Variants in TMEM44 observed in about 807,000 individuals in gnomAD.
TMEM44 encodes the protein transmembrane protein 44.
A neutral mutation model predicts 47.8 loss-of-function variants in TMEM44; 43 were observed. The observed-to-expected ratio is 0.90, with a 90% CI of 0.70 to 1.16. The LOEUF (loss-of-function observed/expected upper bound fraction) is 1.16, where lower values mean the gene tolerates loss of function less well. TMEM44 is among the 50% of genes most tolerant of loss of function. The pLI is 0.00. For missense variants in TMEM44, 568 were observed against 555.2 expected (o/e 1.02, Z -0.23); for synonymous variants, 277 against 238.8 (o/e 1.16, Z -1.48).
intron 9 of TMEM44, among the ~76,000 whole-genome samples, chr3:194,591,942 G>C (rs1712783836): frequency 6.6e-6 from 1 of 152,132 alleles, no homozygotes. Context: ...CATTGGGCCA[G>C]GCGTGGTGGC....
chr3:194,600,920 G>T (rs1714025011), intron 9 of TMEM44, among the ~76,000 whole-genome samples: 1 of 152,148 alleles, frequency 6.6e-6, no homozygotes, highest in Non-Finnish European at 1.5e-5. Flanking sequence ...GTTGAGTTTG[G>T]TATTAAGCTA....
intron 8 of TMEM44, among the ~76,000 whole-genome samples, chr3:194,605,132 G>GTATC (rs952134645): frequency 6.8e-6 from 1 of 146,572 alleles, no homozygotes; most frequent in Non-Finnish European, 1.5e-5. Flanking sequence ...ATCTATCTAT[G>GTATC]TATCTATCTA....
chr3:194,590,061 G>C (rs1712445520), intron 9 of TMEM44: 1 of 152,218 alleles, frequency 6.6e-6, no homozygotes, highest in Non-Finnish European at 1.5e-5. Context: ...GCATGGACAT[G>C]CTCTCCAAGA....
intron 7 of TMEM44, among the ~76,000 whole-genome samples, chr3:194,614,251 A>G (rs1715647132): frequency 6.6e-6 from 1 of 152,250 alleles, no homozygotes. Context: ...TTCTAGAGGC[A>G]GCATCACAAG....
At chr3:194,604,632 A>G (rs966696267) in intron 8 of TMEM44, among the ~76,000 whole-genome samples, 187 bp from the exon 9 acceptor site, 1 of 152,212 alleles carries the variant, frequency 6.6e-6, no homozygotes, top group African/African-American at 2.4e-5. Flanking sequence ...TGTCTTGTGT[A>G]TCCCTCCAGA....
rs1248564611 is a variant in TMEM44, at chr3:194,629,713, TCG to T, written c.138-1206_138-1205del. ...ACAGGGCCCCTGAAATAATACGCTG[TCG>T]TACCTGCCTCCCGGAGGGGCTGGCT... is the stretch of plus-strand genomic sequence containing the variant. On this transcript the variant is annotated intron_variant, in intron 1 of 9. Transcript: ENST00000347147. 4.5e-4 allele frequency among the ~76,000 whole-genome samples: 64 copies of T among 141,014 alleles called. 2 individuals carry two copies. The highest frequency in any genetic ancestry group is 1.6e-3 in the African/African-American group (60 of 36,364). The allele number at this position is 141,014 out of a possible 152,430, so 92.5% of individuals were successfully genotyped here.
chr3:194,616,676 C>T, intron 6 of TMEM44: 1 of 434,846 alleles, frequency 2.3e-6, no homozygotes. Context: ...CACCAACACG[C>T]CACAGCCATT....
At chr3:194,610,676 T>C (rs1006433855) in intron 8 of TMEM44, among the ~76,000 whole-genome samples, 3 of 152,164 alleles carry the variant, frequency 2.0e-5, no homozygotes, top group Non-Finnish European at 2.9e-5. Context: ...CTTTGTACAT[T>C]TAAAGCTGTT....
chr3:194,607,775 T>C (rs1714928363), intron 8 of TMEM44, among the ~76,000 whole-genome samples: 1 of 152,190 alleles, frequency 6.6e-6, no homozygotes, highest in African/African-American at 2.4e-5. Flanking sequence ...GGCAAGTCCC[T>C]AACCCTCAGT....
At chr3:194,627,079 G>A (rs1173340024) in intron 2 of TMEM44, among the ~76,000 whole-genome samples, 5 of 152,102 alleles carry the variant, frequency 3.3e-5, no homozygotes, top group Middle Eastern at 3.4e-3. Flanking sequence ...GCGCCACCAC[G>A]CCCAGCTAGT....
rs1292547397 is a variant in TMEM44 at position 194,633,196 on chromosome 3, G to C, written c.20C>G (p.Pro7Arg). The C allele has an allele frequency of 4.0e-6, 6 of 1,500,460 alleles. No homozygotes were observed. The highest frequency in any genetic ancestry group is 4.4e-6 in the Non-Finnish European group (5 of 1,124,618). The allele number at this position is 1,500,460 out of a possible 1,614,324, so 92.9% of individuals were successfully genotyped here. MGEAPS[P>R]APALWDWDYL... ...GTCCCAGTCCCAGAGCGCGGGCGCG[G>C]GGCTGGGCGCCTCCCCCATGGCGCG... Residue 7 changes from proline to arginine, a missense_variant, in exon 1 of 10, where the codon CCC becomes CGC. By Grantham distance (103) the Pro-to-Arg change is moderately radical. Coordinates refer to ENST00000347147, the MANE Select transcript of TMEM44 (RefSeq NM_001011655.3).
chr3:194,631,905 C>T (rs1208410704), intron 1 of TMEM44, among the ~76,000 whole-genome samples: 1 of 152,160 alleles, frequency 6.6e-6, no homozygotes, highest in Non-Finnish European at 1.5e-5. Context: ...CACTCTTAAC[C>T]CCTCCAAGGT....
At chr3:194,625,629 C>G (rs1361927950) in intron 3 of TMEM44, among the ~76,000 whole-genome samples, 1 of 152,200 alleles carries the variant, frequency 6.6e-6, no homozygotes, top group South Asian at 2.1e-4. Context: ...TACAGGCGCA[C>G]GCCACCACAC....
intron 3 of TMEM44, among the ~76,000 whole-genome samples, chr3:194,624,936 G>C (rs540641937): frequency 6.6e-6 from 1 of 151,086 alleles, no homozygotes; most frequent in African/African-American, 2.4e-5. Context: ...GGCTGGTCTC[G>C]AACTCCTGAC....
chr3:194,628,712 G>A (rs1185867372), intron 1 of TMEM44, among the ~76,000 whole-genome samples: 4 of 152,300 alleles, frequency 2.6e-5, no homozygotes, highest in South Asian at 2.1e-4. Context: ...CATGGCAGGA[G>A]CTAGACCTCG....
intron 8 of TMEM44, among the ~76,000 whole-genome samples, chr3:194,610,174 T>A (rs983826212): frequency 1.3e-5 from 2 of 150,744 alleles, no homozygotes; most frequent in Non-Finnish European, 3.0e-5. Context: ...TGAGCTGAGA[T>A]CATGCCACTG....
intron 5 of TMEM44, among the ~76,000 whole-genome samples, chr3:194,621,243 G>A (rs1208786415): frequency 1.3e-5 from 2 of 152,184 alleles, no homozygotes; most frequent in African/African-American, 2.4e-5. Context: ...GGGGCTACCC[G>A]AACCTGGGAG....
At chr3:194,613,403 CTT>C (rs1715535989) in intron 7 of TMEM44, among the ~76,000 whole-genome samples, 1 of 151,448 alleles carries the variant, frequency 6.6e-6, no homozygotes, top group Non-Finnish European at 1.5e-5. Context: ...GTCTCGAACT[CTT>C]GAGCTCAGGC....
At chr3:194,596,169 C>T (rs1220990674) in intron 9 of TMEM44, among the ~76,000 whole-genome samples, 1 of 151,878 alleles carries the variant, frequency 6.6e-6, no homozygotes, top group Non-Finnish European at 1.5e-5. Context: ...AGCAAGGCGC[C>T]CAGAAGGCCT....
Sources: allele counts gnomAD v4.1 joint callset (sites outside exome capture counted in the v4.1 genomes callset), GRCh38; gene constraint gnomAD v4.1.1; transcripts MANE v1.5; gene names NCBI Gene and HGNC (gene_info 2026-07-23, HGNC 2026-07-21).